The following PRKCZ variants were observed in gnomAD, a reference collection of about 807,000 sequenced individuals.
PRKCZ encodes the protein protein kinase C zeta type.
In PRKCZ, 33 loss-of-function variants were observed where a neutral mutation model predicts 79.5. The observed-to-expected ratio is 0.41, with a 90% CI of 0.31 to 0.55. The LOEUF is 0.55. PRKCZ is among the 20% of genes least tolerant of loss of function. PRKCZ has a pLI of 0.19. For synonymous variants in PRKCZ, 342 were observed against 320.9 expected (o/e 1.07, Z -0.70); for missense variants, 578 against 813.5 (o/e 0.71, Z 3.52).
intron 4 of PRKCZ, among the ~76,000 whole-genome samples, chr1:2,124,787 G>C (rs559405528): frequency 1.3e-5 from 2 of 152,030 alleles, no homozygotes; most frequent in South Asian, 4.2e-4. Context: ...AGCAGACGCC[G>C]TGCATGTGCA....
intron 10 of PRKCZ, among the ~76,000 whole-genome samples, chr1:2,159,799 C>T (rs2103339368): frequency 6.6e-6 from 1 of 152,348 alleles, no homozygotes; most frequent in South Asian, 2.1e-4. Flanking sequence ...AGACAGCCCA[C>T]CTTTTCCAGA....
intron 4 of PRKCZ, among the ~76,000 whole-genome samples, chr1:2,068,151 T>C (rs1335167847): frequency 6.6e-6 from 1 of 152,184 alleles, no homozygotes. Context: ...GAGCAGCTCC[T>C]CCGGGGCAGA....
intron 4 of PRKCZ, among the ~76,000 whole-genome samples, chr1:2,119,295 A>G (rs1434510717): frequency 6.7e-6 from 1 of 149,468 alleles, no homozygotes; most frequent in Admixed American, 6.7e-5. Flanking sequence ...GCTCACTGCA[A>G]CCTCCACCTC....
intron 4 of PRKCZ, among the ~76,000 whole-genome samples, chr1:2,109,269 G>T (rs1321927646): frequency 6.6e-6 from 1 of 152,232 alleles, no homozygotes; most frequent in Non-Finnish European, 1.5e-5. Flanking sequence ...TCTGCTGGAA[G>T]GATTCCTGGA....
At chr1:2,091,980 A>C (rs1166848458) in intron 4 of PRKCZ, among the ~76,000 whole-genome samples, 5 of 152,222 alleles carry the variant, frequency 3.3e-5, no homozygotes, top group Non-Finnish European at 7.3e-5. Flanking sequence ...GTAGAATGGA[A>C]AGCGTCGTGC....
chr1:2,100,482 C>G (rs555641205), intron 4 of PRKCZ, among the ~76,000 whole-genome samples: 1 of 152,212 alleles, frequency 6.6e-6, no homozygotes, highest in Admixed American at 6.5e-5. Context: ...GTCCTCTCCC[C>G]GGACGATCTC....
intron 4 of PRKCZ, among the ~76,000 whole-genome samples, chr1:2,068,067 C>T (rs1311795219): frequency 1.3e-5 from 2 of 152,214 alleles, no homozygotes. Context: ...TCGGCCTGAG[C>T]CACATCTGCT....
intron 4 of PRKCZ, among the ~76,000 whole-genome samples, chr1:2,067,383 C>T (rs1661210518): frequency 6.6e-6 from 1 of 152,218 alleles, no homozygotes; most frequent in Admixed American, 6.5e-5. Context: ...TTCACCCTGT[C>T]TGTCCGTTCC....
Position 2,128,392 on chromosome 1 carries a change from G to A in PRKCZ, c.335-6870G>A, listed in dbSNP as rs557084189. Among the ~76,000 whole-genome samples, 83 of 152,358 alleles carry A rather than the reference G, an allele frequency of 5.4e-4. No homozygotes were observed. The highest frequency in any genetic ancestry group is 1.9e-3 in the African/African-American group (77 of 41,596). On this transcript the variant is annotated intron_variant, in intron 4 of 17. Transcript: ENST00000378567. The surrounding 1 kb of genome is among the most constrained non-coding windows in gnomAD (Gnocchi z 6.5). ...ACTCGGCCCCTCCCTCACCGCCACC[G>A]CACCCAAGGGCTGTCGCCTGTCCCA...
chr1:2,146,079 C>T lies in PRKCZ; in HGVS notation c.605C>T (p.Ala202Val). 1 of 1,614,110 alleles carries T rather than the reference C, an allele frequency of 6.2e-7. No homozygotes were observed. Among genetic ancestry groups the T allele is most frequent in the East Asian group, 2.2e-5 (1 of 44,882 alleles). Residue 202 changes from alanine (A) to valine (V), a missense_variant, in exon 7 of 18, where the codon GCC becomes GTC. Ala to Val is a moderately conservative substitution (Grantham distance 64). Around this residue, in one of 4 missense-constraint regions of PRKCZ, gnomAD observed 91 missense variants for 97.5 expected, o/e 0.93. Transcript: ENST00000378567. ...CCAGTAGACGACAAGAACGAGGACG[C>T]CGACCTTCCTTCCGAGGAGACAGAT... The part of the protein sequence containing the change: ...EPPVDDKNED[A>V]DLPSEETDGI...
At chr1:2,091,588 A>G (rs1284240482) in intron 4 of PRKCZ, among the ~76,000 whole-genome samples, 1 of 151,508 alleles carries the variant, frequency 6.6e-6, no homozygotes, top group Non-Finnish European at 1.5e-5. Flanking sequence ...GTGTGGGTCT[A>G]GTTTGCCTCT....
chr1:2,073,617 T>C (rs1408853140), intron 4 of PRKCZ: 11 of 988,924 alleles, frequency 1.1e-5, no homozygotes, highest in Non-Finnish European at 1.2e-5. Context: ...TCCTGTGACG[T>C]CAGCGTCAGC....
At chr1:2,063,676 T>C (rs1024491352) in intron 4 of PRKCZ, among the ~76,000 whole-genome samples, 3 of 152,182 alleles carry the variant, frequency 2.0e-5, no homozygotes, top group Non-Finnish European at 4.4e-5. Flanking sequence ...TTCCACCCCC[T>C]GCAATAGTGC....
chr1:2,102,297 T>TAC (rs1667568891), intron 4 of PRKCZ, among the ~76,000 whole-genome samples: 1 of 148,606 alleles, frequency 6.7e-6, no homozygotes, highest in East Asian at 1.9e-4. Context: ...TGAAGCCTAG[T>TAC]ACACGTTTTT....
In PRKCZ at chr1:2,168,809, C is replaced by A. The variant is rs571652430; in HGVS notation, c.975-709C>A. ...CAGAGGAGCCGCTGACCTAAAAAAA[C>A]CCGCCACAGGGTATTTCTGGGAGAT... is the stretch of plus-strand genomic sequence containing the variant. On this transcript the variant is annotated intron_variant, in intron 10 of 17. Transcript: ENST00000378567. The surrounding 1 kb of genome is among the most constrained non-coding windows in gnomAD (Gnocchi z 4.7). 53 of 195,004 alleles carry A rather than the reference C, an allele frequency of 2.7e-4. No individual in the cohort carries two copies. Among genetic ancestry groups the A allele is most frequent in the Admixed American group, 4.9e-4 (9 of 18,408 alleles). The allele number at this position is 195,004 out of a possible 1,614,324, so 12.1% of individuals were successfully genotyped here. A position where few individuals can be genotyped will look rare whatever the true frequency, so the allele number is the denominator to read the frequency against.
intron 4 of PRKCZ, among the ~76,000 whole-genome samples, chr1:2,078,122 C>T (rs1217014891): frequency 3.3e-5 from 5 of 152,270 alleles, no homozygotes. Context: ...CCCCACACAA[C>T]ATGCCGTGGG....
At chr1:2,182,053 C>T (rs1686713811) in intron 16 of PRKCZ, 1 of 331,590 alleles carries the variant, frequency 3.0e-6, no homozygotes, top group Non-Finnish European at 6.1e-6. Flanking sequence ...CGTGTCCAGC[C>T]TTACGTGGAA....
intron 1 of PRKCZ, among the ~76,000 whole-genome samples, chr1:2,052,990 C>T (rs1659826582): frequency 6.6e-6 from 1 of 152,186 alleles, no homozygotes; most frequent in Admixed American, 6.5e-5. Flanking sequence ...CCTGAGGGGT[C>T]CCCAGGCACC....
At chr1:2,076,046 C>A (rs1021124770) in intron 4 of PRKCZ, among the ~76,000 whole-genome samples, 1 of 152,202 alleles carries the variant, frequency 6.6e-6, no homozygotes, top group African/African-American at 2.4e-5. Context: ...CTTGTGCTGG[C>A]GTGGAGCTTT....
Sources: allele counts gnomAD v4.1 joint callset (sites outside exome capture counted in the v4.1 genomes callset), GRCh38; gene constraint gnomAD v4.1.1; regional missense constraint gnomAD v4.1.1; non-coding constraint Gnocchi (gnomAD v3.1); transcripts MANE v1.5; gene names NCBI Gene and HGNC (gene_info 2026-07-23, HGNC 2026-07-21).